TIA1: variants seen among roughly 807,000 people sequenced by gnomAD.
The protein encoded by TIA1 is cytotoxic granule associated RNA binding protein TIA1.
Under a neutral mutation model 65.9 loss-of-function variants are expected in TIA1, and 23 were observed. That is an observed-to-expected ratio of 0.35 (90% confidence interval 0.25 to 0.49). The LOEUF (loss-of-function observed/expected upper bound fraction) is 0.49. Among genes scored for constraint, TIA1 ranks in the 20% least tolerant of loss-of-function variants. The pLI is 0.98. For missense variants in TIA1, 371 were observed against 477.9 expected (o/e 0.78, Z 2.09); for synonymous variants, 147 against 149.4 (o/e 0.98, Z 0.12).
intron 2 of TIA1, among the ~76,000 whole-genome samples, chr2:70,232,936 C>A (rs946519005): frequency 3.3e-5 from 5 of 151,714 alleles, no homozygotes; most frequent in African/African-American, 4.8e-5. Flanking sequence ...ATAAATAGAA[C>A]CTGGATGTTT....
intron 3 of TIA1, among the ~76,000 whole-genome samples, chr2:70,229,680 T>A (rs189102631): frequency 5.9e-5 from 9 of 152,330 alleles, no homozygotes; most frequent in African/African-American, 2.2e-4. Context: ...GGCTGACGTC[T>A]GTAATCTCAG....
In TIA1 at chr2:70,229,067, C is replaced by T. The variant is rs371200431; in HGVS notation, c.302G>A (p.Arg101His). Residue 101 changes from arginine (R) to histidine (H), a missense_variant, in exon 5 of 13, where the codon CGT becomes CAT. Physicochemically the swap from Arg to His is conservative, Grantham distance 29. Coordinates refer to ENST00000433529, the MANE Select transcript of TIA1 (RefSeq NM_022173.4). ...TSSSTVVSTQ[R>H]SQDHFHVFVG... Reference sequence around the variant, plus strand: ...TAAGAAGATACAATTACCTTGTGAACGCTGTGTGCTGACAACGGTACTACC... The same window carrying T: ...TAAGAAGATACAATTACCTTGTGAATGCTGTGTGCTGACAACGGTACTACC... 11 of 1,605,796 alleles carry T rather than the reference C, an allele frequency of 6.9e-6. No individual in the cohort carries two copies. The African/African-American group carries it at 1.4e-4, about 20-fold the overall frequency.
intron 7 of TIA1, among the ~76,000 whole-genome samples, chr2:70,218,187 C>G (rs1228105712): frequency 6.6e-6 from 1 of 152,158 alleles, no homozygotes; most frequent in Non-Finnish European, 1.5e-5. Flanking sequence ...TAAGAAAGGT[C>G]TCTCTGAAAT....
chr2:70,219,549 T>C (rs1167578159), intron 7 of TIA1, among the ~76,000 whole-genome samples: 2 of 152,126 alleles, frequency 1.3e-5, no homozygotes, highest in Middle Eastern at 3.2e-3. Context: ...CAGCTTACTG[T>C]AGCCTTGAAC....
intron 1 of TIA1, among the ~76,000 whole-genome samples, chr2:70,244,245 G>A (rs1458280301): frequency 6.6e-6 from 1 of 152,050 alleles, no homozygotes; most frequent in African/African-American, 2.4e-5. Context: ...CTTATCAAAG[G>A]ATGACCTTCC....
intron 6 of TIA1, 25 bp downstream of exon 6, chr2:70,227,710 A>T (rs1684409069): frequency 6.8e-7 from 1 of 1,460,856 alleles, no homozygotes; most frequent in African/African-American, 1.4e-5. Flanking sequence ...AATTAAAAGG[A>T]TTTTATTTAT....
intron 2 of TIA1, among the ~76,000 whole-genome samples, chr2:70,234,463 T>C (rs1687896416): frequency 6.6e-6 from 1 of 152,244 alleles, no homozygotes; most frequent in Admixed American, 6.5e-5. Flanking sequence ...AGAACATAAC[T>C]CTTTGTTGAT....
At position 70,214,375 on chromosome 2, in the gene TIA1, G is replaced by A. The variant is rs1270069562; in HGVS notation, c.1008C>T (p.Gly336=). The stretch of plus-strand genomic sequence containing the variant: ...TAAATCCTTGCTGGTTCCATGCCTG[G>A]CCATACATTCCATATGCAGGAACTT... The part of the protein sequence containing the change: ...GWQVPAYGMY[G]QAWNQQGFNQ... The change falls in exon 12 of 13, where the codon GGC becomes GGT. Residue 336 remains glycine (G), a synonymous_variant. Coordinates refer to ENST00000433529, the MANE Select transcript of TIA1 (RefSeq NM_022173.4). 1 of 1,613,004 alleles carries A rather than the reference G, an allele frequency of 6.2e-7. No homozygotes were observed. The highest frequency in any genetic ancestry group is 1.1e-5 in the South Asian group (1 of 90,898).
intron 3 of TIA1, among the ~76,000 whole-genome samples, chr2:70,230,467 A>G (rs1015043214): frequency 4.6e-5 from 7 of 152,054 alleles, no homozygotes; most frequent in African/African-American, 1.7e-4. Context: ...TCTGGCTAAC[A>G]TGGTGAAACC....
At chr2:70,222,390 A>T (rs1681840826) in intron 7 of TIA1, among the ~76,000 whole-genome samples, 1 of 152,194 alleles carries the variant, frequency 6.6e-6, no homozygotes, top group African/African-American at 2.4e-5. Context: ...AATTAGAAGC[A>T]AAACCACCTG....
chr2:70,218,797 T>C (rs1339747081), intron 7 of TIA1, among the ~76,000 whole-genome samples: 2 of 152,258 alleles, frequency 1.3e-5, no homozygotes, highest in Non-Finnish European at 1.5e-5. Flanking sequence ...GGGATAAAGA[T>C]ACTTTATGAA....
At chr2:70,233,443 T>C (rs1289416624) in intron 2 of TIA1, among the ~76,000 whole-genome samples, 1 of 152,208 alleles carries the variant, frequency 6.6e-6, no homozygotes, top group Non-Finnish European at 1.5e-5. Context: ...CCAAGATCAA[T>C]GCTGACAGGC....
rs11380260 is a variant in TIA1, at chr2:70,242,494, C to CAAAAAAAAAAAAAAAAAAAAAAAA, written c.26+5887_26+5910dup. Among the ~76,000 whole-genome samples, 2 of 33,472 alleles carry CAAAAAAAAAAAAAAAAAAAAAAAA rather than the reference C, an allele frequency of 6.0e-5. 1 individual carries two copies. Among genetic ancestry groups the CAAAAAAAAAAAAAAAAAAAAAAAA allele is most frequent in the Non-Finnish European group, 9.7e-5 (2 of 20,534 alleles). 22.0% of individuals were successfully genotyped at this position (33,472 alleles called of 152,430 possible). ...AGCCTGAGTGACAGAGACTCAGTCT[C>CAAAAAAAAAAAAAAAAAAAAAAAA]AAAAAAAAAAAAAAAAAAAAAAAAA... On this transcript the variant is annotated intron_variant, in intron 1 of 12. Coordinates refer to ENST00000433529, the MANE Select transcript of TIA1 (RefSeq NM_022173.4).
intron 11 of TIA1, 54 bp downstream of exon 11, chr2:70,215,317 T>TA: frequency 1.2e-6 from 2 of 1,607,190 alleles, no homozygotes; most frequent in Non-Finnish European, 1.7e-6. Context: ...ATCTTCACCT[T>TA]AAAATAACAT....
chr2:70,227,215 C>A (rs1684197356), intron 6 of TIA1, among the ~76,000 whole-genome samples: 1 of 152,110 alleles, frequency 6.6e-6, no homozygotes, highest in Non-Finnish European at 1.5e-5. Context: ...ATAACAAGTG[C>A]AAGCAAGGCA....
chr2:70,247,228 G>A (rs1382512829), intron 1 of TIA1, among the ~76,000 whole-genome samples: 1 of 152,018 alleles, frequency 6.6e-6, no homozygotes, highest in Non-Finnish European at 1.5e-5. Flanking sequence ...GAAATTTCAA[G>A]GTTACTAACA....
At chr2:70,235,320 CAGAAG>C (rs1688323153) in intron 2 of TIA1, among the ~76,000 whole-genome samples, 1 of 152,036 alleles carries the variant, frequency 6.6e-6, no homozygotes, top group South Asian at 2.1e-4. Flanking sequence ...GAGGCTGAGC[CAGAAG>C]AATTGCTTGA....
intron 1 of TIA1, among the ~76,000 whole-genome samples, chr2:70,239,397 A>C (rs888299489): frequency 9.9e-5 from 15 of 152,110 alleles, no homozygotes; most frequent in Admixed American, 9.8e-4. Context: ...CGGCCAATAA[A>C]GGGTTTATAA....
chr2:70,230,453 C>T (rs1365181057), intron 3 of TIA1, among the ~76,000 whole-genome samples: 1 of 151,938 alleles, frequency 6.6e-6, no homozygotes, highest in Non-Finnish European at 1.5e-5. Flanking sequence ...GAGTTTGAGA[C>T]CAGTCTGGCT....
Sources: gnomAD v4.1 joint callset for allele counts (sites outside exome capture counted in the v4.1 genomes callset) on GRCh38, gnomAD v4.1.1 for gene constraint, MANE v1.5 for transcripts, NCBI Gene and HGNC (gene_info 2026-07-23, HGNC 2026-07-21) for gene names.